DPP6: variants seen among roughly 807,000 people sequenced by gnomAD.
DPP6 encodes the protein dipeptidyl peptidase like 6.
DPP6 carries 69 observed loss-of-function variants against 122.6 expected under a neutral mutation model. The observed-to-expected ratio is 0.56, with a 90% CI of 0.46 to 0.69. DPP6 has a LOEUF of 0.69. Among genes scored for constraint, DPP6 ranks in the 30% least tolerant of loss-of-function variants. The pLI is 0.00. For missense variants in DPP6, 928 were observed against 1,116.9 expected (o/e 0.83, Z 2.41); for synonymous variants, 418 against 433.1 (o/e 0.97, Z 0.43).
intron 10 of DPP6, among the ~76,000 whole-genome samples, chr7:154,784,683 C>A (rs1190328101): frequency 1.3e-5 from 2 of 152,100 alleles, no homozygotes; most frequent in Non-Finnish European, 2.9e-5. Context: ...CCGTCACAAT[C>A]AGGCAGGGGT....
intron 1 of DPP6, among the ~76,000 whole-genome samples, chr7:154,204,880 TAC>T (rs1280291095): frequency 5.9e-5 from 9 of 152,174 alleles, no homozygotes; most frequent in Non-Finnish European, 8.8e-5. Flanking sequence ...TCATAATATA[TAC>T]AGTTATAACC....
chr7:154,345,346 T>C (rs1460821897), intron 1 of DPP6, among the ~76,000 whole-genome samples: 2 of 152,194 alleles, frequency 1.3e-5, no homozygotes, highest in Non-Finnish European at 2.9e-5. Flanking sequence ...GATTTCAGCA[T>C]GGAATTGAGG....
chr7:154,371,511 G>A (rs534148175), intron 1 of DPP6, among the ~76,000 whole-genome samples: 33 of 152,058 alleles, frequency 2.2e-4, no homozygotes, highest in African/African-American at 7.5e-4. Flanking sequence ...CTCCTGAGTA[G>A]GCTCAAGCTT....
At chr7:154,671,730 C>T (rs1012735065) in intron 7 of DPP6, among the ~76,000 whole-genome samples, 10 of 152,082 alleles carry the variant, frequency 6.6e-5, no homozygotes, top group Admixed American at 5.2e-4. Flanking sequence ...TGTCATGCTC[C>T]GTTGGAGATG....
At chr7:153,849,676 C>G in the DPP6 span, among the ~76,000 whole-genome samples, 1 of 152,160 alleles carries the variant, frequency 6.6e-6, no homozygotes, top group Middle Eastern at 3.4e-3. Context: ...TTTTTAAGTA[C>G]ATACAAATTT....
intron 8 of DPP6, among the ~76,000 whole-genome samples, chr7:154,735,171 T>C (rs1586983429): frequency 6.6e-6 from 1 of 152,320 alleles, no homozygotes; most frequent in Middle Eastern, 3.4e-3. Context: ...AGAAATGCTA[T>C]TGATACCATG....
intron 1 of DPP6, among the ~76,000 whole-genome samples, chr7:154,414,795 C>T (rs286856): frequency 0.92 from 139,249 of 152,076 alleles, 64,043 homozygotes; most frequent in East Asian, 1. Context: ...AGTGCTGGCC[C>T]CACACAGGTT....
chr7:153,765,482 C>T, the DPP6 span, among the ~76,000 whole-genome samples: 1 of 150,534 alleles, frequency 6.6e-6, no homozygotes, highest in African/African-American at 2.5e-5. Context: ...GTGGAGGTTG[C>T]AGTGAGCCAA....
rs531928890 is a variant in DPP6, at chr7:154,809,793, G to A, written c.1666+2681G>A. Among the ~76,000 whole-genome samples the A allele has an allele frequency of 5.3e-5, 8 of 152,294 alleles. No individual in the cohort carries two copies. In the East Asian group the frequency reaches 1.4e-3, roughly 26 times the overall value. ...ATCGTGGTTTGAGGCTGAGCTGCTC[G>A]GTCATATTCCTAACACATACTAACA... On this transcript the variant is annotated intron_variant, in intron 16 of 25. Transcript: ENST00000377770.
At chr7:153,938,633 C>T (rs546051786) in intron 1 of DPP6, among the ~76,000 whole-genome samples, 1 of 152,214 alleles carries the variant, frequency 6.6e-6, no homozygotes. Context: ...CGACGTCCAA[C>T]CCCATGAGAC....
At chr7:154,197,437 A>G (rs565966963) in intron 1 of DPP6, among the ~76,000 whole-genome samples, 21 of 152,270 alleles carry the variant, frequency 1.4e-4, no homozygotes, top group African/African-American at 4.6e-4. Context: ...CAGACACTAA[A>G]GAGATGACTT....
chr7:154,883,617 CA>C (rs140960322), intron 21 of DPP6: 7,705 of 144,468 alleles, frequency 0.053, 533 homozygotes, highest in Non-Finnish European at 0.084. Flanking sequence ...CACCCATAAA[CA>C]TGCTCACACA....
intron 1 of DPP6, among the ~76,000 whole-genome samples, chr7:154,379,859 C>T (rs553796962): frequency 9.2e-5 from 14 of 152,234 alleles, no homozygotes; most frequent in South Asian, 6.2e-4. Flanking sequence ...TCAAAATATG[C>T]GCTTCCTGAT....
Position 154,892,391 on chromosome 7 carries a change from C to T in DPP6, c.2509C>T (p.Arg837Trp), listed in dbSNP as rs762178479. ...CTCCAGCCTCAAACAGCATCTGTAC[C>T]GGTCCATCATCAACTTCTTCGTGGA... ...TSSSLKQHLY[R>W]SIINFFVECF... is the part of the protein sequence containing the mutation. Residue 837 changes from arginine to tryptophan, a missense_variant, in exon 26 of 26, where the codon CGG (arginine) becomes TGG (tryptophan). Transcript: ENST00000377770. The T allele has an allele frequency of 1.2e-5, 20 of 1,613,930 alleles. No individual in the cohort carries two copies. Among genetic ancestry groups the T allele is most frequent in the South Asian group, 9.9e-5 (9 of 91,086 alleles).
chr7:154,535,098 G>A lies in DPP6; in HGVS notation c.458-5434G>A, dbSNP rs575493314. On this transcript the variant is annotated intron_variant, in intron 3 of 25. Transcript: ENST00000377770. ...CAATTCATTTTTGACAAAAAAAAAT[G>A]CTGAAGTAATTCAGTGGGAAAAAGA... is the stretch of plus-strand genomic sequence containing the variant. Among the ~76,000 whole-genome samples, 62 of 150,210 alleles carry A rather than the reference G, an allele frequency of 4.1e-4. 1 individual carries two copies. In the South Asian group the frequency reaches 1.0e-2, roughly 24 times the overall value.
chr7:154,681,139 C>T (rs1288403178), intron 7 of DPP6, among the ~76,000 whole-genome samples: 2 of 152,038 alleles, frequency 1.3e-5, no homozygotes, highest in African/African-American at 4.8e-5. Flanking sequence ...CACTCTTAAG[C>T]CAGAACAAAA....
chr7:153,778,020 T>A, the DPP6 span, among the ~76,000 whole-genome samples: 1 of 147,972 alleles, frequency 6.8e-6, no homozygotes, highest in Non-Finnish European at 1.5e-5. Flanking sequence ...CCAGTTACTT[T>A]AAAAGCATTA....
At chr7:154,506,224 GT>G (rs35004098) in intron 3 of DPP6, among the ~76,000 whole-genome samples, 16 of 149,784 alleles carry the variant, frequency 1.1e-4, no homozygotes, top group South Asian at 2.1e-4. Flanking sequence ...TTTACACACA[GT>G]TTTTTTTTTC....
rs139731671 is a variant in DPP6 at position 153,973,396 on chromosome 7, A to C, written c.51+85662A>C. ...ACCTGAATCAAGCAATTCTTTTCAA[A>C]CATTCAGTAAAATGCGGCCAAGTAG... is the stretch of plus-strand genomic sequence containing the variant. On this transcript the variant is annotated intron_variant, in intron 1 of 25. Transcript: ENST00000404039. Among the ~76,000 whole-genome samples the C allele has an allele frequency of 5.2e-3, 795 of 152,318 alleles. 6 individuals are homozygous for C. Among genetic ancestry groups the C allele is most frequent in the African/African-American group, 0.018 (753 of 41,568 alleles).
Sources: allele counts gnomAD v4.1 joint callset (sites outside exome capture counted in the v4.1 genomes callset), GRCh38; gene constraint gnomAD v4.1.1; transcripts MANE v1.5; gene names NCBI Gene and HGNC (gene_info 2026-07-23, HGNC 2026-07-21).